The following RBM25 variants were observed in gnomAD, a reference collection of about 807,000 sequenced individuals.
RBM25 encodes the protein RNA binding motif protein 25.
A neutral mutation model predicts 120.7 loss-of-function variants in RBM25; 19 were observed. The ratio of observed to expected loss-of-function variants is 0.16; its 90% confidence interval spans 0.11 to 0.23. RBM25 has a LOEUF of 0.23. Ranked by LOEUF, RBM25 falls within the 10% of genes least tolerant of loss-of-function variation. The pLI, the probability that RBM25 is intolerant of heterozygous loss-of-function variation, is 1.00. For synonymous variants in RBM25, 390 were observed against 326.7 expected, an observed-to-expected ratio of 1.19 and a Z score of -2.09; for missense variants, 605 against 1,041.5, an observed-to-expected ratio of 0.58 and a Z score of 5.77.
chr14:73,059,839 TGTTC>T (rs990939133), intron 1 of RBM25, among the ~76,000 whole-genome samples: 6 of 152,226 alleles, frequency 3.9e-5, no homozygotes, highest in Non-Finnish European at 7.3e-5. Flanking sequence ...CTTTGGTTTT[TGTTC>T]CTCTGTAAAA....
intron 1 of RBM25, among the ~76,000 whole-genome samples, chr14:73,063,880 A>G (rs1895064190): frequency 6.6e-6 from 1 of 151,020 alleles, no homozygotes. Context: ...ATAGCCCTAC[A>G]CTCTACTCAT....
chr14:73,084,322 C>T (rs1895634440), intron 5 of RBM25, among the ~76,000 whole-genome samples: 1 of 152,148 alleles, frequency 6.6e-6, no homozygotes, highest in Non-Finnish European at 1.5e-5. Context: ...CTCTAACCAA[C>T]TGAGCTAACT....
chr14:73,071,139 G>A (rs1349925479), intron 1 of RBM25, among the ~76,000 whole-genome samples: 1 of 150,884 alleles, frequency 6.6e-6, no homozygotes. Context: ...CTACTTGGGA[G>A]GCTCAGGCAG....
At chr14:73,066,578 C>T (rs965337422) in intron 1 of RBM25, among the ~76,000 whole-genome samples, 1 of 148,322 alleles carries the variant, frequency 6.7e-6, no homozygotes, top group African/African-American at 2.5e-5. Flanking sequence ...TTGAACCCGA[C>T]AGGCGGAGGT....
At chr14:73,098,579 A>G (rs1895997298) in intron 7 of RBM25, among the ~76,000 whole-genome samples, 1 of 152,184 alleles carries the variant, frequency 6.6e-6, no homozygotes. Context: ...GTGGCCAGAT[A>G]CATACATTTT....
intron 5 of RBM25, among the ~76,000 whole-genome samples, chr14:73,087,090 GT>G (rs1218238928): frequency 6.6e-6 from 1 of 151,932 alleles, no homozygotes; most frequent in African/African-American, 2.4e-5. Context: ...AATATCAGTA[GT>G]TTTTTTCTGT....
At chr14:73,079,313 C>T (rs1446840616) in intron 4 of RBM25, among the ~76,000 whole-genome samples, 1 of 150,490 alleles carries the variant, frequency 6.6e-6, no homozygotes. Flanking sequence ...ATCCCAACTA[C>T]GCGGGAGGCT....
chr14:73,101,630 A>G (rs1461350784), intron 9 of RBM25: 1 of 151,986 alleles, frequency 6.6e-6, no homozygotes, highest in East Asian at 1.9e-4. Context: ...TCTGAAACAA[A>G]TGGTTATTTA....
chr14:73,085,628 A>G (rs148669840), intron 5 of RBM25, among the ~76,000 whole-genome samples: 1 of 151,830 alleles, frequency 6.6e-6, no homozygotes, highest in African/African-American at 2.4e-5. Context: ...GGTTTTTTTA[A>G]TAGAGGCGGG....
intron 6 of RBM25, among the ~76,000 whole-genome samples, chr14:73,095,522 T>C (rs1195078126): frequency 6.6e-6 from 1 of 151,128 alleles, no homozygotes; most frequent in Non-Finnish European, 1.5e-5. Flanking sequence ...AGGAGAATGG[T>C]GTGAAACTGG....
intron 10 of RBM25, among the ~76,000 whole-genome samples, chr14:73,105,085 T>C (rs1896153544): frequency 8.6e-6 from 1 of 116,254 alleles, no homozygotes; most frequent in Non-Finnish European, 1.9e-5. Flanking sequence ...GATTAGATCC[T>C]TGGTATCATG....
intron 5 of RBM25, among the ~76,000 whole-genome samples, chr14:73,083,800 C>A (rs1393948511): frequency 1.3e-5 from 2 of 151,824 alleles, no homozygotes; most frequent in African/African-American, 4.8e-5. Context: ...TAACTGGTTT[C>A]TTGTTCTTTC....
At chr14:73,106,388 CTA>C (rs1896188745) in intron 12 of RBM25, 103 bp downstream of exon 12, 12 of 905,526 alleles carry the variant, frequency 1.3e-5, no homozygotes, top group Non-Finnish European at 1.4e-5. Context: ...ACAAGCTTCT[CTA>C]TTCATGTATA....
At chr14:73,086,156 CA>C (rs1895680280) in intron 5 of RBM25, among the ~76,000 whole-genome samples, 1 of 151,890 alleles carries the variant, frequency 6.6e-6, no homozygotes, top group Admixed American at 6.6e-5. Context: ...CTCATATTAA[CA>C]GTGGTTTGGG....
At chr14:73,111,207 T>TC in intron 15 of RBM25, 52 bp downstream of exon 15, 1 of 1,438,892 alleles carries the variant, frequency 6.9e-7, no homozygotes, top group Non-Finnish European at 9.6e-7. Context: ...CCCCTGCAAA[T>TC]ACCTGTATTG....
chr14:73,103,164 C>T (rs770169235), intron 9 of RBM25, 28 bp from the exon 10 acceptor site: 6 of 1,598,214 alleles, frequency 3.8e-6, no homozygotes, highest in African/African-American at 1.4e-5. Context: ...ACAGAGTTAA[C>T]TCTAAAAGTG....
intron 10 of RBM25, among the ~76,000 whole-genome samples, chr14:73,105,126 C>T (rs1425623171): frequency 4.6e-5 from 5 of 109,522 alleles, no homozygotes; most frequent in Non-Finnish European, 7.2e-5. Flanking sequence ...GGTTTTATTA[C>T]TTTTTTTTTT....
At chr14:73,092,495 C>T (rs1895840786) in intron 6 of RBM25, among the ~76,000 whole-genome samples, 1 of 151,338 alleles carries the variant, frequency 6.6e-6, no homozygotes, top group Admixed American at 6.6e-5. Flanking sequence ...CCTTATTTCT[C>T]ATTGACTAAA....
chr14:73,098,719 C>G (rs748150847), intron 7 of RBM25, among the ~76,000 whole-genome samples: 2 of 152,048 alleles, frequency 1.3e-5, no homozygotes, highest in Non-Finnish European at 2.9e-5. Context: ...TCTCAGCTCA[C>G]TGCAAGCTCT....
Sources: allele counts gnomAD v4.1 joint callset (sites outside exome capture counted in the v4.1 genomes callset), GRCh38; gene constraint gnomAD v4.1.1; transcripts MANE v1.5; gene names NCBI Gene and HGNC (gene_info 2026-07-23, HGNC 2026-07-21).